MGLL: variants seen among roughly 807,000 people sequenced by gnomAD.
MGLL encodes the protein lysophospholipase homolog.
Under a neutral mutation model 29.1 loss-of-function variants are expected in MGLL, and 7 were observed. The observed-to-expected ratio is 0.24, with a 90% CI of 0.14 to 0.45. The LOEUF is 0.45. Among genes scored for constraint, MGLL ranks in the 20% least tolerant of loss-of-function variants. MGLL has a pLI of 0.99. For synonymous variants in MGLL, 148 were observed against 168.3 expected, an observed-to-expected ratio of 0.88 and a Z score of 0.93; for missense variants, 356 against 413.6, an observed-to-expected ratio of 0.86 and a Z score of 1.21.
chr3:127,783,794 C>A (rs2077169768), intron 2 of MGLL: 1 of 152,252 alleles, frequency 6.6e-6, no homozygotes, highest in Admixed American at 6.5e-5. Flanking sequence ...CCTGATATTT[C>A]TGGGATTGGC....
intron 6 of MGLL, among the ~76,000 whole-genome samples, chr3:127,705,399 A>G (rs532709451): frequency 3.5e-4 from 54 of 152,288 alleles, no homozygotes; most frequent in African/African-American, 1.2e-3. Context: ...TAAACTAAAA[A>G]AAAAAGAAAA....
chr3:127,801,342 C>T lies in MGLL; in HGVS notation c.156-19447G>A, dbSNP rs549366175. ...AAAAGGAGTGGGGGTAACGGCCAGG[C>T]GCGGCGGCTCACGCCTGTAATCTCA... On this transcript the variant is annotated intron_variant, in intron 2 of 7. Transcript: ENST00000265052. 1.2e-4 allele frequency among the ~76,000 whole-genome samples: 15 copies of T among 127,568 alleles called. No individual in the cohort carries two copies. The South Asian group carries it at 2.5e-3, about 21-fold the overall frequency. The allele number at this position is 127,568 out of a possible 152,430, so 83.7% of individuals were successfully genotyped here.
rs142347619 is a variant in MGLL at position 127,742,204 on chromosome 3, G to A, written c.263-19638C>T. Among the ~76,000 whole-genome samples, 700 of 152,260 alleles carry A rather than the reference G, an allele frequency of 4.6e-3. 5 individuals carry two copies. The highest frequency in any genetic ancestry group is 0.016 in the African/African-American group (659 of 41,528). On this transcript the variant is annotated intron_variant, in intron 3 of 7. Coordinates refer to ENST00000265052, the MANE Select transcript of MGLL (RefSeq NM_007283.7). ...AGTTTTGCCACATCCTTGTCAGCAC[G>A]GGAGTTACCATTTGAAAAAAATGTC...
chr3:127,764,535 C>T (rs909541584), intron 3 of MGLL, among the ~76,000 whole-genome samples: 2 of 152,186 alleles, frequency 1.3e-5, no homozygotes, highest in Non-Finnish European at 2.9e-5. Context: ...GGGAAGCTCA[C>T]GTGCTCTCCT....
chr3:127,718,850 T>TA (rs3836353), intron 5 of MGLL, among the ~76,000 whole-genome samples: 53,743 of 151,992 alleles, frequency 0.35, 11,176 homozygotes, highest in Non-Finnish European at 0.47. Flanking sequence ...TAAATTACAT[T>TA]AAAAAATAGA....
intron 3 of MGLL, among the ~76,000 whole-genome samples, chr3:127,779,587 C>T (rs2077089747): frequency 1.3e-5 from 2 of 151,876 alleles, no homozygotes; most frequent in East Asian, 1.9e-4. Flanking sequence ...GCATCAGGAG[C>T]CACACTGTGG....
At position 127,821,685 on chromosome 3, in the gene MGLL, A is replaced by G; in HGVS notation, c.155+9T>C. 1 of 1,614,044 alleles carries G rather than the reference A, an allele frequency of 6.2e-7. No individual in the cohort carries two copies. The highest frequency in any genetic ancestry group is 1.1e-5 in the South Asian group (1 of 91,070). ...TGTCACCTGGGGTGACTTTCTGGGG[A>G]AGACTTACTTGGGTGTGCCTGTGGG... On this transcript the variant is annotated intron_variant, in intron 2 of 7. Coordinates refer to ENST00000265052, the MANE Select transcript of MGLL (RefSeq NM_007283.7).
chr3:127,740,012 G>A (rs777926118), intron 3 of MGLL, among the ~76,000 whole-genome samples: 1 of 152,184 alleles, frequency 6.6e-6, no homozygotes, highest in African/African-American at 2.4e-5. Flanking sequence ...AGAGGCCTGC[G>A]GGCCAGCAGG....
chr3:127,711,713 GCA>G (rs1317053778), intron 5 of MGLL: 2 of 150,812 alleles, frequency 1.3e-5, no homozygotes, highest in Non-Finnish European at 2.9e-5. Flanking sequence ...GGTGCATTGG[GCA>G]CAGTTTCCCT....
At position 127,755,054 on chromosome 3, in the gene MGLL, C is replaced by T. The variant is rs114494057; in HGVS notation, c.262+26735G>A. Among the ~76,000 whole-genome samples the T allele has an allele frequency of 8.9e-3, 1,357 of 152,208 alleles. 13 individuals are homozygous for T. The highest frequency in any genetic ancestry group is 0.015 in the Non-Finnish European group (1,012 of 68,010). ...GGCATTTTTTGGTTCTGCACAGTCA[C>T]GAGCTGTGGCATCCCCGGGGGAAAG... is the stretch of plus-strand genomic sequence containing the variant. On this transcript the variant is annotated intron_variant, in intron 3 of 7. Coordinates refer to ENST00000265052, the MANE Select transcript of MGLL (RefSeq NM_007283.7).
Position 127,726,722 on chromosome 3 carries a change from G to T in MGLL, c.263-4156C>A, listed in dbSNP as rs546867538. On this transcript the variant is annotated intron_variant, in intron 3 of 7. Transcript: ENST00000265052. Reference sequence around the variant, plus strand: ...TGGGATTACAGGTGTGAGCCACCGCGCCTGGCCTACAGGGGTTCTTTATAC... The same window carrying T: ...TGGGATTACAGGTGTGAGCCACCGCTCCTGGCCTACAGGGGTTCTTTATAC... Among the ~76,000 whole-genome samples the T allele has an allele frequency of 3.3e-5, 5 of 152,258 alleles. No individual in the cohort carries two copies. In the South Asian group the frequency reaches 8.3e-4, roughly 25 times the overall value.
intron 3 of MGLL, among the ~76,000 whole-genome samples, chr3:127,735,286 C>A (rs1402515511): frequency 6.6e-6 from 1 of 152,224 alleles, no homozygotes; most frequent in Non-Finnish European, 1.5e-5. Flanking sequence ...TACAACTCAG[C>A]AATTCCACAC....
chr3:127,819,897 G>T (rs1457133813), intron 2 of MGLL, among the ~76,000 whole-genome samples: 2 of 152,032 alleles, frequency 1.3e-5, no homozygotes, highest in Non-Finnish European at 2.9e-5. Flanking sequence ...GTTAACATGA[G>T]TCATGGCAAG....
chr3:127,804,140 C>A (rs572384724), intron 2 of MGLL, among the ~76,000 whole-genome samples: 1 of 152,148 alleles, frequency 6.6e-6, no homozygotes. Context: ...ACAAAGGTGG[C>A]GTGTAAACAA....
At chr3:127,695,908 G>C (rs765178485) in intron 6 of MGLL, among the ~76,000 whole-genome samples, 1 of 152,204 alleles carries the variant, frequency 6.6e-6, no homozygotes, top group Admixed American at 6.5e-5. Flanking sequence ...TGTCCACCTG[G>C]TGGAAGTGGA....
intron 3 of MGLL, among the ~76,000 whole-genome samples, chr3:127,741,756 G>C (rs1293956348): frequency 6.6e-6 from 1 of 152,236 alleles, no homozygotes; most frequent in Non-Finnish European, 1.5e-5. Context: ...GGAAGATCGT[G>C]CAAGCAGGTC....
At chr3:127,711,061 A>C in intron 5 of MGLL, 1 of 341,240 alleles carries the variant, frequency 2.9e-6, no homozygotes, top group Non-Finnish European at 5.8e-6. Flanking sequence ...AATCACACAG[A>C]TCAACTGAGC....
chr3:127,810,847 A>AT lies in MGLL; in HGVS notation c.155+10846_155+10847insA, dbSNP rs368536537. Among the ~76,000 whole-genome samples the AT allele has an allele frequency of 5.4e-4, 81 of 150,472 alleles. 1 individual carries two copies. Among genetic ancestry groups the AT allele is most frequent in the African/African-American group, 1.9e-3 (76 of 39,770 alleles). ...AACCATTCCCCCACCCAATCAAAAA[A>AT]GGAAGCAAACCCTCCAGATTCTGAC... On this transcript the variant is annotated intron_variant, in intron 2 of 7. Transcript: ENST00000265052.
intron 5 of MGLL, among the ~76,000 whole-genome samples, chr3:127,717,872 A>T (rs551705923): frequency 6.6e-6 from 1 of 152,270 alleles, no homozygotes; most frequent in South Asian, 2.1e-4. Flanking sequence ...CCACCTCTGT[A>T]CCCAGGCACG....
Sources: gnomAD v4.1 joint callset for allele counts (sites outside exome capture counted in the v4.1 genomes callset) on GRCh38, gnomAD v4.1.1 for gene constraint, MANE v1.5 for transcripts, NCBI Gene and HGNC (gene_info 2026-07-23, HGNC 2026-07-21) for gene names.